The following LYPLAL1 variants were observed in gnomAD, a reference collection of about 807,000 sequenced individuals.
The protein encoded by LYPLAL1 is lysophospholipase-like protein 1.
LYPLAL1 carries 23 observed loss-of-function variants against 19.7 expected under a neutral mutation model. That is an observed-to-expected ratio of 1.17 (90% CI 0.84 to 1.65). The LOEUF (loss-of-function observed/expected upper bound fraction) is 1.65. LYPLAL1 is among the 40% of genes most tolerant of loss of function. The probability of loss-of-function intolerance (pLI) is 0.00; values close to 1 mark genes in which losing one functional copy is unlikely to be tolerated. For synonymous variants in LYPLAL1, 119 were observed against 96.3 expected (o/e 1.24, Z -1.38); for missense variants, 355 against 279.4 (o/e 1.27, Z -1.93).
chr1:219,210,445 T>C, intron 3 of LYPLAL1, 87 bp from the exon 4 acceptor site: 2 of 949,970 alleles, frequency 2.1e-6, no homozygotes, highest in Non-Finnish European at 3.1e-6. Flanking sequence ...GGTCTCCAGA[T>C]ATTTTAAAAA....
At chr1:219,256,815 A>G in the LYPLAL1 span, among the ~76,000 whole-genome samples, 6 of 151,974 alleles carry the variant, frequency 3.9e-5, no homozygotes, top group African/African-American at 1.2e-4. Flanking sequence ...TTCTTGATCC[A>G]TAAGTTATCA....
chr1:219,255,496 G>C, the LYPLAL1 span, among the ~76,000 whole-genome samples: 1 of 151,842 alleles, frequency 6.6e-6, no homozygotes, highest in Non-Finnish European at 1.5e-5. Context: ...CTAGTAGTTT[G>C]GTTATAAATC....
At chr1:219,218,151 T>G in the LYPLAL1 span, among the ~76,000 whole-genome samples, 3 of 152,076 alleles carry the variant, frequency 2.0e-5, no homozygotes, top group African/African-American at 7.2e-5. Context: ...TATAGGAAAT[T>G]GGATAGTTCA....
chr1:219,276,474 C>T, the LYPLAL1 span, among the ~76,000 whole-genome samples: 1 of 152,146 alleles, frequency 6.6e-6, no homozygotes, highest in African/African-American at 2.4e-5. Context: ...CATCCATTGT[C>T]TAAGACATAG....
the LYPLAL1 span, among the ~76,000 whole-genome samples, chr1:219,344,397 C>T: frequency 1.3e-5 from 2 of 152,180 alleles, no homozygotes; most frequent in African/African-American, 2.4e-5. Context: ...TTTTGTCTCT[C>T]CTGTACTTAC....
At chr1:219,192,935 GAGT>G in intron 2 of LYPLAL1, 144 bp from the exon 3 acceptor site, 3 of 736,350 alleles carry the variant, frequency 4.1e-6, no homozygotes, top group Non-Finnish European at 6.3e-6. Context: ...ATATACATGA[GAGT>G]AGTTTTAATA....
chr1:219,276,720 G>T, the LYPLAL1 span, among the ~76,000 whole-genome samples: 1 of 152,198 alleles, frequency 6.6e-6, no homozygotes, highest in South Asian at 2.1e-4. Flanking sequence ...GGGAAATTCA[G>T]TTTGGCCCCA....
At chr1:219,180,509 A>C (rs184608875) in intron 2 of LYPLAL1, among the ~76,000 whole-genome samples, 2,457 of 152,298 alleles carry the variant, frequency 0.016, 18 homozygotes, top group Non-Finnish European at 0.023. Flanking sequence ...ATTTTAATAG[A>C]GTTTAAAAGT....
At chr1:219,430,034 C>T in the LYPLAL1 span, among the ~76,000 whole-genome samples, 2 of 152,100 alleles carry the variant, frequency 1.3e-5, no homozygotes, top group African/African-American at 4.8e-5. Flanking sequence ...TGGCTCACAC[C>T]TGTAATCAGA....
chr1:219,178,532 C>T (rs1486835314), intron 1 of LYPLAL1, among the ~76,000 whole-genome samples: 1 of 152,104 alleles, frequency 6.6e-6, no homozygotes, highest in Non-Finnish European at 1.5e-5. Flanking sequence ...TATTTCCTTC[C>T]ATTTTTTTCT....
At chr1:219,347,373 A>G in the LYPLAL1 span, among the ~76,000 whole-genome samples, 5 of 152,126 alleles carry the variant, frequency 3.3e-5, no homozygotes, top group African/African-American at 1.2e-4. Context: ...AAATTCTTTC[A>G]TTAAAAAGTA....
the LYPLAL1 span, among the ~76,000 whole-genome samples, chr1:219,246,713 A>C: frequency 6.6e-6 from 1 of 152,146 alleles, no homozygotes; most frequent in South Asian, 2.1e-4. Context: ...CAGCCTCCTG[A>C]GTAGCTGGGA....
At chr1:219,302,510 A>C in the LYPLAL1 span, among the ~76,000 whole-genome samples, 1 of 152,120 alleles carries the variant, frequency 6.6e-6, no homozygotes, top group East Asian at 1.9e-4. Flanking sequence ...TCTGGGTGCA[A>C]ATCCTGGCTT....
the LYPLAL1 span, among the ~76,000 whole-genome samples, chr1:219,344,986 C>A: frequency 6.6e-6 from 1 of 152,174 alleles, no homozygotes; most frequent in East Asian, 1.9e-4. Flanking sequence ...CTATATGTGA[C>A]TCAAAGCTCT....
chr1:219,420,005 G>A, the LYPLAL1 span, among the ~76,000 whole-genome samples: 1 of 152,184 alleles, frequency 6.6e-6, no homozygotes, highest in African/African-American at 2.4e-5. Context: ...TTGGGAAAGG[G>A]AACAACTATC....
At chr1:219,190,631 A>AAAAAAC (rs1553299320) in intron 2 of LYPLAL1, among the ~76,000 whole-genome samples, 5 of 150,140 alleles carry the variant, frequency 3.3e-5, no homozygotes, top group African/African-American at 1.2e-4. Flanking sequence ...GTAAAAAAAA[A>AAAAAAC]AAAAAAAAAA....
the LYPLAL1 span, among the ~76,000 whole-genome samples, chr1:219,423,412 G>A: frequency 1.8e-4 from 27 of 152,144 alleles, no homozygotes; most frequent in Admixed American, 1.3e-4. Context: ...AATGTGTTTC[G>A]TTTTGCTATG....
the LYPLAL1 span, among the ~76,000 whole-genome samples, chr1:219,347,877 A>G: frequency 1.3e-5 from 2 of 152,002 alleles, no homozygotes; most frequent in Non-Finnish European, 2.9e-5. Flanking sequence ...AAAAAAAATC[A>G]CCAGGCCCTT....
At chr1:219,182,477 C>T (rs1199884348) in intron 2 of LYPLAL1, among the ~76,000 whole-genome samples, 1 of 152,062 alleles carries the variant, frequency 6.6e-6, no homozygotes, top group Non-Finnish European at 1.5e-5. Context: ...AAGAGAGATT[C>T]TGGTGTCATC....
Sources: gnomAD v4.1 joint callset for allele counts (sites outside exome capture counted in the v4.1 genomes callset) on GRCh38, gnomAD v4.1.1 for gene constraint, MANE v1.5 for transcripts, NCBI Gene and HGNC (gene_info 2026-07-23, HGNC 2026-07-21) for gene names.